Variants in PLXND1 observed in about 807,000 individuals in gnomAD.
PLXND1 encodes plexin-D1.
A neutral mutation model predicts 197.7 loss-of-function variants in PLXND1; 54 were observed. That is an observed-to-expected ratio of 0.27 (90% CI 0.22 to 0.34). The LOEUF is 0.34. PLXND1 is among the 10% of genes least tolerant of loss of function. The pLI is 1.00. For missense variants in PLXND1, 2,127 were observed against 2,699.2 expected (o/e 0.79, Z 4.70); for synonymous variants, 1,180 against 1,161.2 (o/e 1.02, Z -0.33).
At position 129,571,531 on chromosome 3, in the gene PLXND1, T is replaced by A. The variant is rs776276010; in HGVS notation, c.3314A>T (p.His1105Leu). 6.2e-7 allele frequency: 1 copy of A among 1,613,458 alleles called. No homozygotes were observed. ...HMVQNVSMAVHHIGREPTLCK... is the reference protein window; with the variant it reads ...HMVQNVSMAVLHIGREPTLCK... ...CACCGTGGGCTCCCGGCCAATGTGGTGGACGGCCATGGACACATTCTGCAC... is the reference window on the plus strand; with the variant it reads ...CACCGTGGGCTCCCGGCCAATGTGGAGGACGGCCATGGACACATTCTGCAC... Residue 1105 changes from histidine (H) to leucine (L), a missense_variant, in exon 17 of 36, where the codon CAC (histidine) becomes CTC (leucine). His to Leu is a moderately conservative substitution (Grantham distance 99). Around this residue, in one of 6 missense-constraint regions of PLXND1, gnomAD observed 532 missense variants for 811.0 expected, o/e 0.66. Transcript: ENST00000324093.
intron 18 of PLXND1, 21 bp downstream of exon 18, chr3:129,571,019 C>G: frequency 1.2e-6 from 2 of 1,613,198 alleles, no homozygotes; most frequent in Non-Finnish European, 1.7e-6. Flanking sequence ...CCCCGCCTAC[C>G]CCGGCCCCTT....
At chr3:129,598,737 C>T (rs2085663719) in intron 1 of PLXND1, among the ~76,000 whole-genome samples, 1 of 152,092 alleles carries the variant, frequency 6.6e-6, no homozygotes, top group African/African-American at 2.4e-5. Flanking sequence ...TGGCTCACAC[C>T]CCTTCGGTCA....
chr3:129,603,519 T>C (rs996485996), intron 1 of PLXND1, among the ~76,000 whole-genome samples: 1 of 152,014 alleles, frequency 6.6e-6, no homozygotes, highest in Non-Finnish European at 1.5e-5. Flanking sequence ...AGACCCCCAG[T>C]GCCAAACACA....
Position 129,558,374 on chromosome 3 carries a change from G to A in PLXND1, c.5445+54C>T. ...GAGTCGAGGAGGCTACCCATGGTCGGCACCCCACTCTGGCCCTGTGCATGG... is the reference window on the plus strand; with the variant it reads ...GAGTCGAGGAGGCTACCCATGGTCGACACCCCACTCTGGCCCTGTGCATGG... On this transcript the variant is annotated intron_variant, in intron 33 of 35. Transcript: ENST00000324093. The surrounding 1 kb of genome is among the most constrained non-coding windows in gnomAD (Gnocchi z 4.1). The A allele has an allele frequency of 6.4e-7, 1 of 1,554,234 alleles. No homozygotes were observed.
In PLXND1 at chr3:129,562,838, A is replaced by C. The variant is rs2085081635; in HGVS notation, c.4774T>G (p.Cys1592Gly). The change falls in exon 27 of 36, where the codon TGC becomes GGC. Residue 1592 changes from cysteine to glycine, a missense_variant. This residue lies in a region of PLXND1 where 532 missense variants were observed against 811.0 expected (regional missense o/e 0.66). Transcript: ENST00000324093. ...QVKEKILEAF[C>G]KNVPYSQWPR... Reference sequence around the variant, plus strand: ...CACTGGGAGTAGGGCACATTCTTGCAGAAGGCCTCCAGGATCTTCTCCTTG... The same window carrying C: ...CACTGGGAGTAGGGCACATTCTTGCCGAAGGCCTCCAGGATCTTCTCCTTG... The C allele has an allele frequency of 1.2e-6, 2 of 1,611,666 alleles. No homozygotes were observed. The highest frequency in any genetic ancestry group is 2.7e-5 in the African/African-American group (2 of 74,894).
At chr3:129,575,083 C>T (rs775008147) in intron 11 of PLXND1, among the ~76,000 whole-genome samples, 12 of 152,148 alleles carry the variant, frequency 7.9e-5, no homozygotes, top group Non-Finnish European at 1.8e-4. Context: ...AACAGAGGAG[C>T]CCCTGGAGAG....
intron 11 of PLXND1, among the ~76,000 whole-genome samples, 169 bp from the exon 12 acceptor site, chr3:129,574,659 C>A (rs538959957): frequency 6.6e-6 from 1 of 152,366 alleles, no homozygotes; most frequent in African/African-American, 2.4e-5. Context: ...GGTTCTTAGC[C>A]CCTTCCCCAA....
In PLXND1 at chr3:129,577,333, C is replaced by T. The variant is rs1280179126; in HGVS notation, c.2346+996G>A. 1.3e-5 allele frequency among the ~76,000 whole-genome samples: 2 copies of T among 152,194 alleles called. No homozygotes were observed. The highest frequency in any genetic ancestry group is 2.1e-4 in the South Asian group (1 of 4,828). ...GCCCCACCACACAGCTGGGAAGAATCGGCAGGACTCAAGTCAGGCTCACAC... is the reference window on the plus strand; with the variant it reads ...GCCCCACCACACAGCTGGGAAGAATTGGCAGGACTCAAGTCAGGCTCACAC... On this transcript the variant is annotated intron_variant, in intron 9 of 35. Coordinates refer to ENST00000324093, the MANE Select transcript of PLXND1 (RefSeq NM_015103.3). This position sits in a 1 kb window ranked among gnomAD's most constrained non-coding sequence, Gnocchi z 5.0.
rs1438329669 is a variant in PLXND1, at chr3:129,564,547, C to G, written c.4521+793G>C. ...GTTCTGGGCTCCAGGCAGGCCTTTG[C>G]CTTTCTCCCACAATCCTCCAGGCAG... On this transcript the variant is annotated intron_variant, in intron 25 of 35. Coordinates refer to ENST00000324093, the MANE Select transcript of PLXND1 (RefSeq NM_015103.3). 2.0e-5 allele frequency among the ~76,000 whole-genome samples: 3 copies of G among 152,222 alleles called. No individual in the cohort carries two copies. In the East Asian group the frequency reaches 5.8e-4, roughly 29 times the overall value.
intron 5 of PLXND1, 113 bp from the exon 6 acceptor site, chr3:129,584,675 G>C: frequency 9.7e-7 from 1 of 1,031,902 alleles, no homozygotes; most frequent in Non-Finnish European, 1.4e-6. Context: ...CCTGGGGGAA[G>C]GGGTAGTGGT....
rs778710631 is a variant in PLXND1, at chr3:129,559,603, GCCCCCCCA to G, written c.5297+9_5297+16del. The G allele has an allele frequency of 1.1e-5, 18 of 1,576,280 alleles. No individual in the cohort carries two copies. The African/African-American group carries it at 2.3e-4, about 20-fold the overall frequency. ...CCAGTGGCACAGTGAAGTCCACACG[GCCCCCCCA>G]CCCGCCACCTGTTGGTCTTCCAGAT... On this transcript the variant is annotated intron_variant, in intron 32 of 35. Coordinates refer to ENST00000324093, the MANE Select transcript of PLXND1 (RefSeq NM_015103.3).
chr3:129,573,200 G>C (rs2085263291), intron 13 of PLXND1, among the ~76,000 whole-genome samples: 1 of 152,268 alleles, frequency 6.6e-6, no homozygotes, highest in Middle Eastern at 3.4e-3. Flanking sequence ...CAAAAGGAAA[G>C]CCAGTTCAGT....
chr3:129,574,533 G>A (rs772525952), intron 11 of PLXND1, 43 bp from the exon 12 acceptor site: 8 of 1,587,764 alleles, frequency 5.0e-6, no homozygotes, highest in Non-Finnish European at 6.9e-6. Context: ...GCTCTGCGGT[G>A]CATGCCCCAA....
rs925212375 is a variant in PLXND1, at chr3:129,555,419, C to T, written c.*893G>A. ...CGCCAGGGGCGCTCTGCCAGGTCTG[C>T]CCGCTCTCTGGAACAGTCATTTCCA... On this transcript the variant is annotated 3_prime_UTR_variant, in exon 36 of 36. Coordinates refer to ENST00000324093, the MANE Select transcript of PLXND1 (RefSeq NM_015103.3). 1 of 652,288 alleles carries T rather than the reference C, an allele frequency of 1.5e-6. No homozygotes were observed. The highest frequency in any genetic ancestry group is 2.7e-6 in the Non-Finnish European group (1 of 369,664). The allele number at this position is 652,288 out of a possible 1,614,324, so 40.4% of individuals were successfully genotyped here.
chr3:129,566,904 G>A (rs1172035700), intron 22 of PLXND1, among the ~76,000 whole-genome samples: 1 of 152,242 alleles, frequency 6.6e-6, no homozygotes, highest in African/African-American at 2.4e-5. Flanking sequence ...GGGAGTCTGA[G>A]CTTTAGCCTG....
In PLXND1 at chr3:129,566,608, A is replaced by G; in HGVS notation, c.4110T>C (p.Arg1370=). 1.2e-6 allele frequency: 2 copies of G among 1,609,994 alleles called. No homozygotes were observed. The highest frequency in any genetic ancestry group is 1.7e-5 in the Admixed American group (1 of 59,880). Residue 1370 remains arginine, a synonymous_variant, in exon 23 of 36, where the codon CGT becomes CGC. Coordinates refer to ENST00000324093, the MANE Select transcript of PLXND1 (RefSeq NM_015103.3). ...TGAGGGTCTGGGAGGGCAGCACGTA[A>G]CGCTCTTCATAAAGGGAGGAACACT... ...FPKCSSLYEE[R]YVLPSQTLNS... is the part of the protein sequence containing the mutation.
chr3:129,569,574 A>C (rs1012700310), intron 20 of PLXND1: 6 of 449,130 alleles, frequency 1.3e-5, no homozygotes, highest in African/African-American at 3.9e-5. Flanking sequence ...TGACTGGAGA[A>C]CATGGTTCCA....
chr3:129,558,628 C>A lies in PLXND1; in HGVS notation c.5298-53G>T. On this transcript the variant is annotated intron_variant, in intron 32 of 35. Transcript: ENST00000324093. This position sits in a 1 kb window ranked among gnomAD's most constrained non-coding sequence, Gnocchi z 4.1. ...AGGGTAGGGTGGGGTAGGAAGCAGT[C>A]GAGGGACAGTTGTGGAGGAGAGAGC... 1.3e-6 allele frequency: 2 copies of A among 1,566,966 alleles called. No individual in the cohort carries two copies. The highest frequency in any genetic ancestry group is 2.3e-5 in the South Asian group (2 of 87,992).
At position 129,557,563 on chromosome 3, in the gene PLXND1, G is replaced by C. The variant is rs1423466538; in HGVS notation, c.5446-340C>G. On this transcript the variant is annotated intron_variant, in intron 33 of 35. Coordinates refer to ENST00000324093, the MANE Select transcript of PLXND1 (RefSeq NM_015103.3). This position sits in a 1 kb window ranked among gnomAD's most constrained non-coding sequence, Gnocchi z 4.8. Reference sequence around the variant, plus strand: ...ACGTAACAAGGATGTGTCCTTCTCAGGGTGATAGGTCTTGGTGGCTAGGAT... The same window carrying C: ...ACGTAACAAGGATGTGTCCTTCTCACGGTGATAGGTCTTGGTGGCTAGGAT... Among the ~76,000 whole-genome samples the C allele has an allele frequency of 6.6e-6, 1 of 152,184 alleles. No homozygotes were observed. The highest frequency in any genetic ancestry group is 1.5e-5 in the Non-Finnish European group (1 of 68,042).
Sources: gnomAD v4.1 joint callset for allele counts (sites outside exome capture counted in the v4.1 genomes callset) on GRCh38, gnomAD v4.1.1 for gene constraint, gnomAD v4.1.1 regional missense constraint, Gnocchi (gnomAD v3.1) non-coding constraint, MANE v1.5 for transcripts, NCBI Gene and HGNC (gene_info 2026-07-23, HGNC 2026-07-21) for gene names.